Variants in SORBS2 observed in about 807,000 individuals in gnomAD.
The protein encoded by SORBS2 is sorbin and SH3 domain containing 2.
In SORBS2, 46 loss-of-function variants were observed where a neutral mutation model predicts 97.7. That is an observed-to-expected ratio of 0.47 (90% CI 0.37 to 0.60). The LOEUF (loss-of-function observed/expected upper bound fraction) is 0.60. Among genes scored for constraint, SORBS2 ranks in the 20% least tolerant of loss-of-function variants. SORBS2 has a pLI of 0.00. For synonymous variants in SORBS2, 476 were observed against 473.4 expected (o/e 1.01, Z -0.07); for missense variants, 1,316 against 1,282.3 (o/e 1.03, Z -0.40).
Position 185,910,647 on chromosome 4 carries a change from A to C in SORBS2, c.-338+45549T>G, listed in dbSNP as rs1356270413. ...ACTGCAGGCTCAGCCTCCTTAGCTC[A>C]ACCTCCTCCCACCTCAGCCTCCTTA... On this transcript the variant is annotated intron_variant, in intron 1 of 20. Transcript: ENST00000284776. 2.0e-5 allele frequency among the ~76,000 whole-genome samples: 3 copies of C among 151,922 alleles called. No homozygotes were observed. In the East Asian group the frequency reaches 5.8e-4, roughly 29 times the overall value.
intron 1 of SORBS2, among the ~76,000 whole-genome samples, chr4:185,797,037 C>T (rs2099107946): frequency 6.6e-6 from 1 of 152,204 alleles, no homozygotes. Context: ...TTCTTAGGCC[C>T]CACCTCACGC....
intron 2 of SORBS2, among the ~76,000 whole-genome samples, chr4:185,704,419 A>G (rs1278935429): frequency 6.6e-6 from 1 of 151,970 alleles, no homozygotes; most frequent in Non-Finnish European, 1.5e-5. Context: ...CCCAGGTTCA[A>G]GCTCTTCTCC....
At chr4:185,827,366 T>C (rs201777278) in intron 1 of SORBS2, among the ~76,000 whole-genome samples, 4,257 of 7,130 alleles carry the variant, frequency 0.6, 1,087 homozygotes, top group East Asian at 0.89. Flanking sequence ...ATCATCATCA[T>C]CATCATCATC....
At chr4:185,619,602 G>C (rs2096683078) in intron 8 of SORBS2, among the ~76,000 whole-genome samples, 1 of 152,166 alleles carries the variant, frequency 6.6e-6, no homozygotes, top group African/African-American at 2.4e-5. Flanking sequence ...GAACTGGGCT[G>C]GTTAAAAGCT....
intron 1 of SORBS2, among the ~76,000 whole-genome samples, chr4:185,949,801 T>A (rs558692617): frequency 6.6e-6 from 1 of 152,152 alleles, no homozygotes; most frequent in African/African-American, 2.4e-5. Context: ...TTGGGAACTA[T>A]AACTGACAAC....
At chr4:185,587,763 A>G (rs2095819912) in intron 14 of SORBS2, 75 bp from the exon 27 acceptor site, 1 of 1,165,610 alleles carries the variant, frequency 8.6e-7, no homozygotes, top group African/African-American at 1.5e-5. Flanking sequence ...AATACTTCCC[A>G]TTTACAAGGC....
At chr4:185,915,204 T>C (rs577393243) in intron 1 of SORBS2, among the ~76,000 whole-genome samples, 1 of 152,242 alleles carries the variant, frequency 6.6e-6, no homozygotes, top group African/African-American at 2.4e-5. Context: ...AAGTGGACGA[T>C]GACTTTAATA....
intron 1 of SORBS2, among the ~76,000 whole-genome samples, chr4:185,888,833 G>C (rs1252415319): frequency 6.6e-6 from 1 of 152,182 alleles, no homozygotes; most frequent in Non-Finnish European, 1.5e-5. Context: ...AGTCCTCATT[G>C]TCTCATCTGA....
At chr4:185,749,185 A>G (rs7654366) in intron 2 of SORBS2, among the ~76,000 whole-genome samples, 28,707 of 152,116 alleles carry the variant, frequency 0.19, 2,885 homozygotes, top group Middle Eastern at 0.28. Context: ...TGCTGCTCCA[A>G]GCCATCTGGG....
intron 1 of SORBS2, among the ~76,000 whole-genome samples, chr4:185,886,574 GAAAAGAAAAAA>G (rs2099239743): frequency 9.2e-6 from 1 of 108,638 alleles, no homozygotes; most frequent in Admixed American, 8.9e-5. Flanking sequence ...AAAAAAAAAA[GAAAAGAAAAAA>G]AAAAGAAAAG....
chr4:185,849,474 A>ATT (rs35266876), intron 1 of SORBS2, among the ~76,000 whole-genome samples: 59,897 of 147,038 alleles, frequency 0.41, 12,586 homozygotes, highest in Non-Finnish European at 0.46. Flanking sequence ...TCTCCCTGCC[A>ATT]TTTTTTTTTT....
chr4:185,645,381 G>C (rs2097191352), intron 4 of SORBS2, among the ~76,000 whole-genome samples: 1 of 152,112 alleles, frequency 6.6e-6, no homozygotes, highest in South Asian at 2.1e-4. Flanking sequence ...TTGCAATGGT[G>C]CCTGCAAATC....
chr4:185,955,291 T>C (rs1364140465), intron 1 of SORBS2, among the ~76,000 whole-genome samples: 1 of 152,212 alleles, frequency 6.6e-6, no homozygotes, highest in African/African-American at 2.4e-5. Context: ...CAGAGGATAA[T>C]GAACAACTTC....
chr4:185,593,746 T>C (rs2096015350), intron 13 of SORBS2, 140 bp downstream of exon 25: 1 of 649,304 alleles, frequency 1.5e-6, no homozygotes, highest in South Asian at 2.0e-5. Flanking sequence ...GGAGAGACTA[T>C]TACAATTTCT....
chr4:185,616,433 A>T (rs1003258513), intron 9 of SORBS2, among the ~76,000 whole-genome samples: 6 of 152,216 alleles, frequency 3.9e-5, no homozygotes, highest in Non-Finnish European at 4.4e-5. Context: ...CTTTTGTGCA[A>T]ATGCCTAATG....
At chr4:185,713,870 C>T (rs532769685) in intron 2 of SORBS2, among the ~76,000 whole-genome samples, 10 of 152,260 alleles carry the variant, frequency 6.6e-5, no homozygotes, top group South Asian at 6.2e-4. Flanking sequence ...TTGCCTTTGT[C>T]GTTTTGTGTG....
intron 2 of SORBS2, among the ~76,000 whole-genome samples, chr4:185,697,982 G>A (rs1377305484): frequency 6.6e-6 from 1 of 152,102 alleles, no homozygotes; most frequent in Non-Finnish European, 1.5e-5. Context: ...AGTTTTGCAT[G>A]TCTCATACTT....
chr4:185,709,233 T>C (rs1201452619), intron 2 of SORBS2, among the ~76,000 whole-genome samples: 1 of 150,362 alleles, frequency 6.7e-6, no homozygotes, highest in African/African-American at 2.4e-5. Flanking sequence ...TTGGCCAGGC[T>C]GGTCTTGAAC....
chr4:185,718,186 G>A (rs1027725373), intron 2 of SORBS2, among the ~76,000 whole-genome samples: 1 of 151,830 alleles, frequency 6.6e-6, no homozygotes, highest in Non-Finnish European at 1.5e-5. Context: ...AGCCAAGATC[G>A]CGCCATTGCA....
Sources: gnomAD v4.1 joint callset for allele counts (sites outside exome capture counted in the v4.1 genomes callset) on GRCh38, gnomAD v4.1.1 for gene constraint, MANE v1.5 for transcripts, NCBI Gene and HGNC (gene_info 2026-07-23, HGNC 2026-07-21) for gene names.